The following DHX57 variants were observed in gnomAD, a reference collection of about 807,000 sequenced individuals.
DHX57 encodes the protein putative ATP-dependent RNA helicase DHX57.
DHX57 carries 105 observed loss-of-function variants against 156.2 expected under a neutral mutation model. The observed-to-expected ratio is 0.67, with a 90% CI of 0.57 to 0.79. The LOEUF (loss-of-function observed/expected upper bound fraction) is 0.79, where lower values mean the gene tolerates loss of function less well. Among genes scored for constraint, DHX57 ranks in the 30% least tolerant of loss-of-function variants. The pLI, the probability that DHX57 is intolerant of heterozygous loss-of-function variation, is 0.00. For synonymous variants in DHX57, 704 were observed against 595.6 expected, an observed-to-expected ratio of 1.18 and a Z score of -2.65; for missense variants, 1,847 against 1,661.9, an observed-to-expected ratio of 1.11 and a Z score of -1.94.
Position 38,829,921 on chromosome 2 carries a change from G to T in DHX57, c.2543-1485C>A, listed in dbSNP as rs1223660679. 2.6e-5 allele frequency among the ~76,000 whole-genome samples: 4 copies of T among 152,114 alleles called. No homozygotes were observed. In the East Asian group the frequency reaches 7.7e-4, roughly 29 times the overall value. On this transcript the variant is annotated intron_variant, in intron 13 of 23. Transcript: ENST00000457308. ...ATCATATCATGTTAACAGTTTATGG[G>T]CTTTTAAATTTTACATTAAATAAAA...
At chr2:38,809,523 G>A (rs1257191769) in intron 21 of DHX57, among the ~76,000 whole-genome samples, 79 of 148,402 alleles carry the variant, frequency 5.3e-4, no homozygotes, top group Admixed American at 2.0e-3. Flanking sequence ...GTGTGGTGGC[G>A]CAATTTCAGC....
At position 38,856,472 on chromosome 2, in the gene DHX57, C is replaced by T; in HGVS notation, c.1588-11G>A. 1 of 1,547,106 alleles carries T rather than the reference C, an allele frequency of 6.5e-7. No individual in the cohort carries two copies. Among genetic ancestry groups the T allele is most frequent in the Non-Finnish European group, 8.7e-7 (1 of 1,144,734 alleles). On this transcript the variant is annotated splice_polypyrimidine_tract_variant and intron_variant, in intron 6 of 23. Transcript: ENST00000457308. ...GAACTGTCTGGAAGCCTAATAAAAT[C>T]AAAGATAAGATATCAGTTGGGTTAC... is the stretch of plus-strand genomic sequence containing the variant.
chr2:38,799,750 C>CAAAA (rs34097778), intron 23 of DHX57, among the ~76,000 whole-genome samples: 1 of 99,100 alleles, frequency 1.0e-5, no homozygotes. Flanking sequence ...AACTCCATCT[C>CAAAA]AAAAAAAAAA....
intron 19 of DHX57, 90 bp downstream of exon 19, chr2:38,818,787 T>G (rs1004224756): frequency 4.2e-6 from 6 of 1,417,622 alleles, no homozygotes; most frequent in Non-Finnish European, 5.9e-6. Context: ...ATTTGCAATG[T>G]TAAGACAGGA....
At chr2:38,845,982 C>T (rs957329493) in intron 11 of DHX57, among the ~76,000 whole-genome samples, 5 of 151,846 alleles carry the variant, frequency 3.3e-5, no homozygotes, top group Non-Finnish European at 7.4e-5. Flanking sequence ...TCTCCTGCCT[C>T]AGCCTCCAGA....
intron 9 of DHX57, among the ~76,000 whole-genome samples, chr2:38,848,894 C>G (rs912734637): frequency 2.0e-5 from 3 of 152,152 alleles, no homozygotes; most frequent in African/African-American, 7.2e-5. Context: ...TGGATTATTT[C>G]TGATTTTTGG....
intron 9 of DHX57, chr2:38,853,788 T>A (rs2124910481): frequency 4.5e-6 from 1 of 223,330 alleles, no homozygotes; most frequent in East Asian, 1.0e-4. Flanking sequence ...GGTATTCAAC[T>A]TAGCATAATG....
In DHX57 at chr2:38,862,177, T is replaced by C. The variant is rs777237053; in HGVS notation, c.540A>G (p.Thr180=). ...ASVEPYVPEF[T]VSPFAVQKLS... is the part of the protein sequence containing the mutation. Reference sequence around the variant, plus strand: ...GTTTTTGCACTGCAAATGGGGAGACTGTAAATTCTGGAACATAAGGCTCCA... The same window carrying C: ...GTTTTTGCACTGCAAATGGGGAGACCGTAAATTCTGGAACATAAGGCTCCA... Residue 180 remains threonine (T), a synonymous_variant, in exon 4 of 24, where the codon ACA becomes ACG. Transcript: ENST00000457308. 1 of 1,610,546 alleles carries C rather than the reference T, an allele frequency of 6.2e-7. No individual in the cohort carries two copies.
At chr2:38,870,971 G>A (rs1174469033) in intron 1 of DHX57, among the ~76,000 whole-genome samples, 1 of 151,714 alleles carries the variant, frequency 6.6e-6, no homozygotes, top group East Asian at 1.9e-4. Flanking sequence ...AAGGTAAAAT[G>A]AAAACTTTCT....
chr2:38,860,741 G>A (rs1471845745), intron 5 of DHX57, among the ~76,000 whole-genome samples: 3 of 152,138 alleles, frequency 2.0e-5, no homozygotes, highest in African/African-American at 7.2e-5. Flanking sequence ...TCCAAGCCTC[G>A]GATTTTATAT....
intron 5 of DHX57, 92 bp downstream of exon 5, chr2:38,860,907 T>C (rs1408610252): frequency 8.7e-7 from 1 of 1,151,574 alleles, no homozygotes. Context: ...TTGTTCAAGA[T>C]CACTAAGCCA....
intron 21 of DHX57, chr2:38,811,094 A>G: frequency 1.8e-6 from 1 of 570,968 alleles, no homozygotes; most frequent in Non-Finnish European, 3.3e-6. Context: ...GTTCTCCAAG[A>G]TTCCAGCCTC....
At chr2:38,835,807 G>C (rs1344801966) in intron 13 of DHX57, among the ~76,000 whole-genome samples, 1 of 152,220 alleles carries the variant, frequency 6.6e-6, no homozygotes, top group African/African-American at 2.4e-5. Flanking sequence ...GCTGTGTCCA[G>C]ATGTGCATGA....
At chr2:38,801,588 G>A (rs992846770) in intron 23 of DHX57, among the ~76,000 whole-genome samples, 1 of 136,360 alleles carries the variant, frequency 7.3e-6, no homozygotes, top group South Asian at 2.3e-4. Flanking sequence ...TTTTTTTTTT[G>A]TATTTTTATA....
At chr2:38,842,883 G>T in intron 12 of DHX57, 122 bp downstream of exon 12, 1 of 1,020,472 alleles carries the variant, frequency 9.8e-7, no homozygotes, top group Non-Finnish European at 1.4e-6. Context: ...AGGTTGCTCT[G>T]ATGAATTAAA....
intron 22 of DHX57, among the ~76,000 whole-genome samples, chr2:38,805,801 G>A (rs115091159): frequency 7.3e-4 from 111 of 152,166 alleles, no homozygotes; most frequent in African/African-American, 2.5e-3. Flanking sequence ...TTTCCAGCAG[G>A]AGAGCTCAGA....
chr2:38,846,009 G>A (rs1672264989), intron 11 of DHX57, among the ~76,000 whole-genome samples: 1 of 151,914 alleles, frequency 6.6e-6, no homozygotes, highest in Non-Finnish European at 1.5e-5. Context: ...GGCATTACAG[G>A]CATGCACCAC....
At chr2:38,874,753 C>G (rs532340686) in intron 1 of DHX57, among the ~76,000 whole-genome samples, 40 of 152,266 alleles carry the variant, frequency 2.6e-4, no homozygotes, top group Admixed American at 4.6e-4. Flanking sequence ...GAAAAATCCA[C>G]CTGTAAGTGG....
At chr2:38,874,299 C>G (rs1431521465) in intron 1 of DHX57, among the ~76,000 whole-genome samples, 1 of 151,872 alleles carries the variant, frequency 6.6e-6, no homozygotes, top group East Asian at 1.9e-4. Context: ...CTTTGCTGCC[C>G]AAGCTGGTCT....
Sources: gnomAD v4.1 joint callset for allele counts (sites outside exome capture counted in the v4.1 genomes callset) on GRCh38, gnomAD v4.1.1 for gene constraint, MANE v1.5 for transcripts, NCBI Gene and HGNC (gene_info 2026-07-23, HGNC 2026-07-21) for gene names.